Variants in TBC1D4 observed in about 807,000 individuals in gnomAD.
TBC1D4 encodes TBC (Tre-2, BUB2, CDC16) domain-containing protein.
In TBC1D4, 121 loss-of-function variants were observed where a neutral mutation model predicts 142.5. That is an observed-to-expected ratio of 0.85 (90% CI 0.73 to 0.99). TBC1D4 has a LOEUF of 0.99. TBC1D4 is among the 50% of genes least tolerant of loss of function. TBC1D4 has a pLI of 0.00. For missense variants in TBC1D4, 1,475 were observed against 1,606.6 expected (o/e 0.92, Z 1.40); for synonymous variants, 630 against 628.2 (o/e 1.00, Z -0.04).
At position 75,361,419 on chromosome 13, in the gene TBC1D4, C is replaced by T. The variant is rs529200128; in HGVS notation, c.1080+607G>A. ...TTGTTGAGATGGAGTCTCGCTCTGT[C>T]GCCCAGGCTCGAGTGCAGGGGGTCA... On this transcript the variant is annotated intron_variant, in intron 2 of 20. Transcript: ENST00000377636. Among the ~76,000 whole-genome samples, 47 of 152,248 alleles carry T rather than the reference C, an allele frequency of 3.1e-4. No homozygotes were observed. The East Asian group carries it at 8.3e-3, about 27-fold the overall frequency.
At chr13:75,474,622 G>C (rs2138339901) in intron 1 of TBC1D4, among the ~76,000 whole-genome samples, 1 of 147,706 alleles carries the variant, frequency 6.8e-6, no homozygotes, top group African/African-American at 2.5e-5. Context: ...CCAAGGTCTT[G>C]TGACCTTGGA....
chr13:75,354,148 A>G (rs932275437), intron 4 of TBC1D4, among the ~76,000 whole-genome samples: 1 of 152,246 alleles, frequency 6.6e-6, no homozygotes, highest in African/African-American at 2.4e-5. Flanking sequence ...GAAGAAGGTC[A>G]TGAAAGGGCA....
chr13:75,469,151 T>C (rs1888289107), intron 1 of TBC1D4, among the ~76,000 whole-genome samples: 1 of 152,166 alleles, frequency 6.6e-6, no homozygotes, highest in Non-Finnish European at 1.5e-5. Flanking sequence ...ATTTAAGAGT[T>C]GAGCTTGTTT....
At chr13:75,429,281 A>C (rs1355916627) in intron 1 of TBC1D4, among the ~76,000 whole-genome samples, 1 of 152,250 alleles carries the variant, frequency 6.6e-6, no homozygotes, top group Non-Finnish European at 1.5e-5. Context: ...TGGAAGGCAA[A>C]GTAAAATTCC....
rs777862489 is a variant in TBC1D4, at chr13:75,359,877, C to T, written c.1081-19G>A. 6.3e-7 allele frequency: 1 copy of T among 1,589,208 alleles called. No individual in the cohort carries two copies. On this transcript the variant is annotated intron_variant, in intron 2 of 20. Coordinates refer to ENST00000377636, the MANE Select transcript of TBC1D4 (RefSeq NM_014832.5). ...GCCCAACCTTAAAAATAAAAGCATT[C>T]CAATTAATTTCAATTCATAAGGATC...
rs1476916030 is a variant in TBC1D4, at chr13:75,284,585, G to A, written c.*2207C>T. Reference sequence around the variant, plus strand: ...CTGCTGTGCAGCCTGGTTCATAACAGGCCACAGACAGGTACCCAGGGACCC... The same window carrying A: ...CTGCTGTGCAGCCTGGTTCATAACAAGCCACAGACAGGTACCCAGGGACCC... On this transcript the variant is annotated 3_prime_UTR_variant, in exon 21 of 21. Transcript: ENST00000377636. 1 of 152,146 alleles carries A rather than the reference G, an allele frequency of 6.6e-6. No individual in the cohort carries two copies. The highest frequency in any genetic ancestry group is 1.5e-5 in the Non-Finnish European group (1 of 68,044). The allele number at this position is 152,146 out of a possible 1,614,324, so 9.4% of individuals were successfully genotyped here. A position where few individuals can be genotyped will look rare whatever the true frequency, so the allele number is the denominator to read the frequency against.
intron 4 of TBC1D4, among the ~76,000 whole-genome samples, chr13:75,352,100 TG>T (rs1881652309): frequency 6.6e-6 from 1 of 152,224 alleles, no homozygotes; most frequent in Non-Finnish European, 1.5e-5. Context: ...CACAGAGTAC[TG>T]CTCTTTTCTG....
At chr13:75,421,511 A>C (rs554774459) in intron 1 of TBC1D4, among the ~76,000 whole-genome samples, 1 of 152,332 alleles carries the variant, frequency 6.6e-6, no homozygotes, top group South Asian at 2.1e-4. Context: ...ATATTTATAC[A>C]TGCTTTCCTG....
intron 1 of TBC1D4, among the ~76,000 whole-genome samples, chr13:75,451,724 C>G (rs541649636): frequency 6.7e-6 from 1 of 148,404 alleles, no homozygotes; most frequent in Admixed American, 6.7e-5. Flanking sequence ...TATATGTGCT[C>G]TATATTATAA....
intron 1 of TBC1D4, among the ~76,000 whole-genome samples, chr13:75,387,310 T>G (rs1884236599): frequency 6.6e-6 from 1 of 152,186 alleles, no homozygotes; most frequent in Non-Finnish European, 1.5e-5. Flanking sequence ...TTTTCAGAGC[T>G]TTGTCAGATA....
rs55712064 is a variant in TBC1D4 at position 75,312,451 on chromosome 13, A to AG, written c.2383+286_2383+287insC. On this transcript the variant is annotated intron_variant, in intron 13 of 20. Transcript: ENST00000377636. ...AAGAAAGAAAGAAAGAAAGAAAGAA[A>AG]AAGGACATACAGCTTCTTTCCTAGC... 2.1e-3 allele frequency among the ~76,000 whole-genome samples: 312 copies of AG among 150,764 alleles called. 8 individuals are homozygous for AG. The highest frequency in any genetic ancestry group is 5.7e-3 in the South Asian group (27 of 4,746).
chr13:75,326,328 CG>C lies in TBC1D4; in HGVS notation c.1901del (p.Pro634ArgfsTer21). The C allele has an allele frequency of 6.2e-7, 1 of 1,614,044 alleles. No homozygotes were observed. Among genetic ancestry groups the C allele is most frequent in the Non-Finnish European group, 8.5e-7 (1 of 1,180,014 alleles). ...QTFPEEDSDS[P>X]QFRRRAHTFS... ...ACGTGTGTGCCCGTCTTCGAAACTG[CG>C]GGGAGTCGGAATCCTCTTCGGGAAA... On this transcript the variant is annotated frameshift_variant, in exon 10 of 21. Coordinates refer to ENST00000377636, the MANE Select transcript of TBC1D4 (RefSeq NM_014832.5). LOFTEE classifies it high-confidence loss of function.
At chr13:75,367,139 A>AG in intron 1 of TBC1D4, 2 of 182,482 alleles carry the variant, frequency 1.1e-5, no homozygotes, top group Non-Finnish European at 2.1e-5. Flanking sequence ...TGACTCTGCA[A>AG]TCAGGAAATA....
In TBC1D4 at chr13:75,287,715, G is replaced by A. The variant is rs149436543; in HGVS notation, c.3664-690C>T. Among the ~76,000 whole-genome samples the A allele has an allele frequency of 2.7e-3, 410 of 152,280 alleles. 1 individual carries two copies. Among genetic ancestry groups the A allele is most frequent in the African/African-American group, 9.1e-3 (377 of 41,562 alleles). ...AGCCAGAGCCAATGTAAGACAAAGC[G>A]AAGGAAGTTTAGTGTTCCCATTCTT... On this transcript the variant is annotated intron_variant, in intron 20 of 20. Transcript: ENST00000377636.
At chr13:75,335,471 A>G (rs1032151477) in intron 8 of TBC1D4, among the ~76,000 whole-genome samples, 1 of 152,182 alleles carries the variant, frequency 6.6e-6, no homozygotes, top group African/African-American at 2.4e-5. Context: ...ATTAATTTAT[A>G]CTTTTTTCAG....
At chr13:75,292,342 C>T (rs1011064992) in intron 18 of TBC1D4, 71 bp from the exon 19 acceptor site, 5 of 1,335,240 alleles carry the variant, frequency 3.7e-6, no homozygotes, top group Non-Finnish European at 5.2e-6. Flanking sequence ...GCTATTTGTG[C>T]TAAAGGTTTT....
Position 75,481,481 on chromosome 13 carries a change from G to T in TBC1D4, c.287C>A (p.Ala96Glu), listed in dbSNP as rs764263127. 4 of 1,612,692 alleles carry T rather than the reference G, an allele frequency of 2.5e-6. No homozygotes were observed. The highest frequency in any genetic ancestry group is 1.1e-5 in the South Asian group (1 of 90,976). Residue 96 changes from alanine to glutamate, a missense_variant, in exon 1 of 21, where the codon GCG (alanine) becomes GAG (glutamate). Transcript: ENST00000377636. ...GCCCCCCGAGGCCCCAGCGCCCGGC[G>T]CGGGGACGCAACGCAGGAAGGGCGC... ...LSAPFLRCVP[A>E]PGAGASGGTS... is the part of the protein sequence containing the mutation.
In TBC1D4 at chr13:75,477,997, C is replaced by T. The variant is rs531998809; in HGVS notation, c.498+3273G>A. Among the ~76,000 whole-genome samples, 10 of 152,284 alleles carry T rather than the reference C, an allele frequency of 6.6e-5. No homozygotes were observed. In the East Asian group the frequency reaches 1.9e-3, roughly 29 times the overall value. On this transcript the variant is annotated intron_variant, in intron 1 of 20. Transcript: ENST00000377636. The stretch of plus-strand genomic sequence containing the variant: ...TGCATTGAGCCATTCTGGTTGAATG[C>T]TTCTCCTGACACACATCCTTAAATT...
Position 75,433,237 on chromosome 13 carries a change from T to C in TBC1D4, c.498+48033A>G, listed in dbSNP as rs116312904. Among the ~76,000 whole-genome samples the C allele has an allele frequency of 4.4e-3, 663 of 152,306 alleles. 10 individuals are homozygous for C. The highest frequency in any genetic ancestry group is 0.016 in the African/African-American group (645 of 41,574). On this transcript the variant is annotated intron_variant, in intron 1 of 20. Transcript: ENST00000377636. Reference sequence around the variant, plus strand: ...AGTGGCATTCCTCAGCCTTATTCTCTCACACATGGTGGAAAACAGAGGAAG... The same window carrying C: ...AGTGGCATTCCTCAGCCTTATTCTCCCACACATGGTGGAAAACAGAGGAAG...
Sources: allele counts gnomAD v4.1 joint callset (sites outside exome capture counted in the v4.1 genomes callset), GRCh38; gene constraint gnomAD v4.1.1; transcripts MANE v1.5; gene names NCBI Gene and HGNC (gene_info 2026-07-23, HGNC 2026-07-21).